Variants in CACNA1C observed in about 807,000 individuals in gnomAD.
CACNA1C encodes the protein voltage-dependent L-type calcium channel subunit alpha-1C.
Under a neutral mutation model 229.0 loss-of-function variants are expected in CACNA1C, and 30 were observed. That is an observed-to-expected ratio of 0.13 (90% CI 0.10 to 0.18). The LOEUF (loss-of-function observed/expected upper bound fraction) is 0.18. CACNA1C is among the 10% of genes least tolerant of loss of function. The pLI is 1.00. For missense variants in CACNA1C, 1,658 were observed against 2,845.0 expected (o/e 0.58, Z 9.49); for synonymous variants, 1,114 against 1,132.5 (o/e 0.98, Z 0.33).
chr12:2,153,453 C>G (rs943676073), intron 3 of CACNA1C, among the ~76,000 whole-genome samples: 1 of 152,044 alleles, frequency 6.6e-6, no homozygotes, highest in African/African-American at 2.4e-5. Context: ...AACGCTCTAC[C>G]TATTAAACAA....
In CACNA1C at chr12:2,457,567, G is replaced by T; in HGVS notation, c.618G>T (p.Gly206=). ...TCCTTCTCTCTTTCCTCTCTTCTAGGCTTTTTAGTGCAATTTTAGAACAAG... is the reference window on the plus strand; with the variant it reads ...TCCTTCTCTCTTTCCTCTCTTCTAGTCTTTTTAGTGCAATTTTAGAACAAG... The part of the protein sequence containing the change: ...NLLDFIIVVV[G]LFSAILEQAT... Residue 206 remains glycine (G), a splice_region_variant and synonymous_variant, in exon 5 of 47, where the codon GGG becomes GGT. Coordinates refer to ENST00000399655, the MANE Select transcript of CACNA1C (RefSeq NM_000719.7). 1.2e-6 allele frequency: 2 copies of T among 1,610,918 alleles called. No homozygotes were observed. Among genetic ancestry groups the T allele is most frequent in the Non-Finnish European group, 1.7e-6 (2 of 1,178,474 alleles).
intron 3 of CACNA1C, among the ~76,000 whole-genome samples, chr12:2,147,536 A>T (rs972191087): frequency 5.3e-5 from 8 of 151,306 alleles, no homozygotes; most frequent in Admixed American, 3.3e-4. Flanking sequence ...GACAAATGTT[A>T]GATAATTTCC....
intron 3 of CACNA1C, among the ~76,000 whole-genome samples, chr12:2,370,474 G>T (rs2097838386): frequency 1.3e-5 from 2 of 152,192 alleles, no homozygotes; most frequent in South Asian, 4.1e-4. Context: ...ATGTTTAAAT[G>T]TGTTATAACT....
chr12:2,417,913 A>G (rs2098931020), intron 3 of CACNA1C, among the ~76,000 whole-genome samples: 1 of 152,068 alleles, frequency 6.6e-6, no homozygotes, highest in Non-Finnish European at 1.5e-5. Flanking sequence ...TTCTAGCTGC[A>G]TATTCAGCAA....
At position 2,512,154 on chromosome 12, in the gene CACNA1C, T is replaced by C. The variant is rs1422349969; in HGVS notation, c.1218-658T>C. Among the ~76,000 whole-genome samples the C allele has an allele frequency of 2.0e-5, 3 of 152,150 alleles. No individual in the cohort carries two copies. Among genetic ancestry groups the C allele is most frequent in the Non-Finnish European group, 4.4e-5 (3 of 68,032 alleles). On this transcript the variant is annotated intron_variant, in intron 8 of 46. Coordinates refer to ENST00000399655, the MANE Select transcript of CACNA1C (RefSeq NM_000719.7). This position sits in a 1 kb window ranked among gnomAD's most constrained non-coding sequence, Gnocchi z 4.3. ...GGGTCCCAAATCAGTGGTATACTGG[T>C]AAATATTTAACAATTGGCTCTCTAT...
At chr12:2,460,949 T>C (rs2099497053) in intron 5 of CACNA1C, among the ~76,000 whole-genome samples, 1 of 152,178 alleles carries the variant, frequency 6.6e-6, no homozygotes. Context: ...ACTGTACCAG[T>C]GTGGTTGGTG....
At chr12:2,120,290 T>G (rs761327859) in intron 2 of CACNA1C, 35 bp from the exon 3 acceptor site, 1 of 961,484 alleles carries the variant, frequency 1.0e-6, no homozygotes, top group African/African-American at 1.6e-5. Context: ...ACTTGTACTT[T>G]CTGTGGCATT....
At chr12:2,123,204 A>G (rs1023614240) in intron 3 of CACNA1C, among the ~76,000 whole-genome samples, 9 of 151,942 alleles carry the variant, frequency 5.9e-5, no homozygotes, top group African/African-American at 2.2e-4. Flanking sequence ...GTAAAACCCC[A>G]TCTCTACTAA....
chr12:2,416,032 TG>T (rs1203375150), intron 3 of CACNA1C, among the ~76,000 whole-genome samples: 2 of 152,062 alleles, frequency 1.3e-5, no homozygotes, highest in Non-Finnish European at 2.9e-5. Flanking sequence ...GGTGAGGGTG[TG>T]GGGGCGGGAC....
At chr12:2,277,362 G>GACACACACACACACACACACACACAC (rs59258094) in intron 3 of CACNA1C, among the ~76,000 whole-genome samples, 1 of 72,152 alleles carries the variant, frequency 1.4e-5, no homozygotes, top group East Asian at 3.7e-4. Flanking sequence ...CAGACAGACA[G>GACACACACACACACACACACACACAC]ACACACACAC....
intron 29 of CACNA1C, among the ~76,000 whole-genome samples, chr12:2,624,702 G>A (rs1280296685): frequency 6.6e-6 from 1 of 152,146 alleles, no homozygotes; most frequent in Admixed American, 6.5e-5. Flanking sequence ...AGCGCCCCGT[G>A]GTGGCCAGTG....
chr12:2,129,275 G>A (rs2091438998), intron 3 of CACNA1C, among the ~76,000 whole-genome samples: 1 of 152,204 alleles, frequency 6.6e-6, no homozygotes, highest in South Asian at 2.1e-4. Context: ...AAAATAGATG[G>A]CAGCTTCTGG....
intron 1 of CACNA1C, among the ~76,000 whole-genome samples, chr12:2,109,302 C>T (rs2080657905): frequency 6.6e-6 from 1 of 152,138 alleles, no homozygotes; most frequent in Non-Finnish European, 1.5e-5. Flanking sequence ...GTGGGGAGAA[C>T]ACTGGCAGCT....
At chr12:2,081,570 CAA>C (rs35716626) in intron 1 of CACNA1C, among the ~76,000 whole-genome samples, 253 of 140,630 alleles carry the variant, frequency 1.8e-3, no homozygotes, top group Admixed American at 3.5e-3. Context: ...GACTCAGTCT[CAA>C]AAAAAAAAAA....
intron 1 of CACNA1C, among the ~76,000 whole-genome samples, chr12:2,060,797 A>T (rs955697449): frequency 6.6e-6 from 1 of 152,254 alleles, no homozygotes; most frequent in Non-Finnish European, 1.5e-5. Context: ...AAAATAAAAT[A>T]ATCTTGTCTC....
Position 2,668,956 on chromosome 12 carries a change from T to G in CACNA1C, c.4647T>G (p.Pro1549=). 1 of 1,614,102 alleles carries G rather than the reference T, an allele frequency of 6.2e-7. No homozygotes were observed. Among genetic ancestry groups the G allele is most frequent in the Non-Finnish European group, 8.5e-7 (1 of 1,179,948 alleles). ...AGCGCCTGGTCTCCATGAACATGCC[T>G]CTGAACAGCGACGGGACAGTCATGT... ...ACKRLVSMNM[P]LNSDGTVMFN... Residue 1549 remains proline (P), a synonymous_variant, in exon 38 of 47, where the codon CCT becomes CCG. Transcript: ENST00000399655.
intron 9 of CACNA1C, among the ~76,000 whole-genome samples, chr12:2,513,628 A>G (rs571007020): frequency 6.6e-6 from 1 of 152,332 alleles, no homozygotes; most frequent in Non-Finnish European, 1.5e-5. Flanking sequence ...TGAGATAGAA[A>G]TGAAAGTGAT....
chr12:2,106,483 C>A (rs2078677137), intron 1 of CACNA1C, among the ~76,000 whole-genome samples: 1 of 103,746 alleles, frequency 9.6e-6, no homozygotes, highest in Non-Finnish European at 2.1e-5. Context: ...ACTGGGAGCC[C>A]ACCCCGGGGA....
At chr12:1,983,233 GT>G (rs1367332263) in intron 1 of CACNA1C, among the ~76,000 whole-genome samples, 3 of 138,776 alleles carry the variant, frequency 2.2e-5, no homozygotes, top group African/African-American at 8.3e-5. Context: ...CAGTTTTTTT[GT>G]TTTTTATCTC....
Sources: allele counts gnomAD v4.1 joint callset (sites outside exome capture counted in the v4.1 genomes callset), GRCh38; gene constraint gnomAD v4.1.1; non-coding constraint Gnocchi (gnomAD v3.1); transcripts MANE v1.5; gene names NCBI Gene and HGNC (gene_info 2026-07-23, HGNC 2026-07-21).